KDM1B: variants seen among roughly 807,000 people sequenced by gnomAD.
KDM1B encodes the protein lysine-specific histone demethylase 2.
Under a neutral mutation model 107.4 loss-of-function variants are expected in KDM1B, and 63 were observed. The ratio of observed to expected loss-of-function variants is 0.59; its 90% CI spans 0.48 to 0.72. The LOEUF (loss-of-function observed/expected upper bound fraction) is 0.72, where lower values mean the gene tolerates loss of function less well. Among genes scored for constraint, KDM1B ranks in the 30% least tolerant of loss-of-function variants. The probability of loss-of-function intolerance (pLI) is 0.00; values close to 1 mark genes in which losing one functional copy is unlikely to be tolerated. For synonymous variants in KDM1B, 363 were observed against 363.9 expected (o/e 1.00, Z 0.03); for missense variants, 749 against 1,020.8 (o/e 0.73, Z 3.63).
rs1221924426 is a variant in KDM1B, at chr6:18,214,986, C to G, written c.2110-21C>G. 3.7e-6 allele frequency: 6 copies of G among 1,612,720 alleles called. No individual in the cohort carries two copies. Among genetic ancestry groups the G allele is most frequent in the South Asian group, 3.3e-5 (3 of 90,954 alleles). On this transcript the variant is annotated intron_variant, in intron 19 of 21. Coordinates refer to ENST00000650836, the MANE Select transcript of KDM1B (RefSeq NM_001364614.2). This position sits in a 1 kb window ranked among gnomAD's most constrained non-coding sequence, Gnocchi z 4.4. ...GAGCTGAGCACTCACAGACCTCCTGCTTTTCCTTTCATGTCTCCAGAAGAA... is the reference window on the plus strand; with the variant it reads ...GAGCTGAGCACTCACAGACCTCCTGGTTTTCCTTTCATGTCTCCAGAAGAA...
Position 18,201,709 on chromosome 6 carries a change from A to G in KDM1B, c.1531+52A>G. 1 of 1,432,722 alleles carries G rather than the reference A, an allele frequency of 7.0e-7. No homozygotes were observed. The highest frequency in any genetic ancestry group is 9.4e-7 in the Non-Finnish European group (1 of 1,061,854). The allele number at this position is 1,432,722 out of a possible 1,614,324, so 88.8% of individuals were successfully genotyped here. On this transcript the variant is annotated intron_variant, in intron 14 of 21. Coordinates refer to ENST00000650836, the MANE Select transcript of KDM1B (RefSeq NM_001364614.2). This position sits in a 1 kb window ranked among gnomAD's most constrained non-coding sequence, Gnocchi z 4.3. ...TTCCATCTCAGTTTCGTTGTTACCT[A>G]AGCTTCATCAGCAGTGGCATTGTTC...
At chr6:18,163,656 C>T (rs547997096) in intron 5 of KDM1B, among the ~76,000 whole-genome samples, 1 of 151,896 alleles carries the variant, frequency 6.6e-6, no homozygotes, top group East Asian at 1.9e-4. Flanking sequence ...TTTAAATTTC[C>T]ATTGAGTTTT....
chr6:18,216,361 G>C (rs1031808901), intron 20 of KDM1B, among the ~76,000 whole-genome samples: 1 of 152,224 alleles, frequency 6.6e-6, no homozygotes, highest in African/African-American at 2.4e-5. Context: ...GATTACAGGT[G>C]TGAGCCACTG....
intron 17 of KDM1B, among the ~76,000 whole-genome samples, chr6:18,210,296 T>G (rs1352449295): frequency 6.6e-6 from 1 of 151,264 alleles, no homozygotes; most frequent in East Asian, 1.9e-4. Context: ...ATCATTTGCC[T>G]ATTTGTTTAC....
At chr6:18,158,088 C>G (rs1490713627) in intron 2 of KDM1B, among the ~76,000 whole-genome samples, 1 of 152,086 alleles carries the variant, frequency 6.6e-6, no homozygotes, top group East Asian at 1.9e-4. Context: ...GCTGGGATTA[C>G]AGGCGTGAGC....
At chr6:18,182,713 T>C (rs1198758329) in intron 7 of KDM1B, among the ~76,000 whole-genome samples, 1 of 152,074 alleles carries the variant, frequency 6.6e-6, no homozygotes, top group Non-Finnish European at 1.5e-5. Context: ...AATTTTTTTG[T>C]AGTGACAGGG....
chr6:18,206,700 C>T (rs555441935), intron 15 of KDM1B, among the ~76,000 whole-genome samples: 1 of 152,240 alleles, frequency 6.6e-6, no homozygotes, highest in Admixed American at 6.5e-5. Flanking sequence ...GCTGGAATTA[C>T]AGGCATGAGC....
rs1787752620 is a variant in KDM1B, at chr6:18,197,922, A to G, written c.1221+261A>G. Among the ~76,000 whole-genome samples the G allele has an allele frequency of 6.9e-6, 1 of 144,688 alleles. No homozygotes were observed. The highest frequency in any genetic ancestry group is 2.2e-4 in the South Asian group (1 of 4,534). 94.9% of individuals were successfully genotyped at this position (144,688 alleles called of 152,430 possible). ...ATTCTAACTTGGCATTAAAGTAGAAATTCTTTTTTTTTTTTTTTTTTGAGA... is the reference window on the plus strand; with the variant it reads ...ATTCTAACTTGGCATTAAAGTAGAAGTTCTTTTTTTTTTTTTTTTTTGAGA... On this transcript the variant is annotated intron_variant, in intron 12 of 21. Coordinates refer to ENST00000650836, the MANE Select transcript of KDM1B (RefSeq NM_001364614.2). The surrounding 1 kb of genome is among the most constrained non-coding windows in gnomAD (Gnocchi z 4.5).
At position 18,205,442 on chromosome 6, in the gene KDM1B, G is replaced by A. The variant is rs908342993; in HGVS notation, c.1532-95G>A. 4.6e-5 allele frequency: 56 copies of A among 1,214,830 alleles called. No individual in the cohort carries two copies. Among genetic ancestry groups the A allele is most frequent in the African/African-American group, 3.7e-4 (24 of 64,034 alleles). The allele number at this position is 1,214,830 out of a possible 1,614,324, so 75.3% of individuals were successfully genotyped here. On this transcript the variant is annotated intron_variant, in intron 14 of 21. Coordinates refer to ENST00000650836, the MANE Select transcript of KDM1B (RefSeq NM_001364614.2). This position sits in a 1 kb window ranked among gnomAD's most constrained non-coding sequence, Gnocchi z 5.7. ...TGGGAAAAGACTTTGGAAGTTTTGG[G>A]TGTTGCTGGGTGACAGAGGTTGAAA...
chr6:18,167,314 G>A (rs1225857113), intron 6 of KDM1B, among the ~76,000 whole-genome samples: 2 of 150,946 alleles, frequency 1.3e-5, no homozygotes, highest in African/African-American at 4.9e-5. Flanking sequence ...CTGAGATCGT[G>A]CCACTGCACT....
chr6:18,181,713 TC>T (rs1786491236), intron 7 of KDM1B, among the ~76,000 whole-genome samples: 1 of 152,114 alleles, frequency 6.6e-6, no homozygotes, highest in South Asian at 2.1e-4. Flanking sequence ...ACCACTGCAC[TC>T]CAGCCTAAGT....
At chr6:18,167,454 A>G (rs1234470138) in intron 6 of KDM1B, among the ~76,000 whole-genome samples, 1 of 152,122 alleles carries the variant, frequency 6.6e-6, no homozygotes, top group East Asian at 1.9e-4. Flanking sequence ...GTTGAAATAT[A>G]CCACCATTTA....
At chr6:18,216,924 A>T (rs1207367026) in intron 20 of KDM1B, among the ~76,000 whole-genome samples, 1 of 152,238 alleles carries the variant, frequency 6.6e-6, no homozygotes, top group Non-Finnish European at 1.5e-5. Flanking sequence ...CCTGCGGGTC[A>T]TGGAACATAT....
chr6:18,210,886 C>G lies in KDM1B; in HGVS notation c.1867-1602C>G, dbSNP rs537994130. Reference sequence around the variant, plus strand: ...TCGTGCTGCACACCCATGGTCCCAGCTACTACAAGAAGCTGAGGCAAGAGG... The same window carrying G: ...TCGTGCTGCACACCCATGGTCCCAGGTACTACAAGAAGCTGAGGCAAGAGG... On this transcript the variant is annotated intron_variant, in intron 17 of 21. Coordinates refer to ENST00000650836, the MANE Select transcript of KDM1B (RefSeq NM_001364614.2). Among the ~76,000 whole-genome samples the G allele has an allele frequency of 2.3e-4, 35 of 152,162 alleles. No individual in the cohort carries two copies. In the East Asian group the frequency reaches 4.5e-3, roughly 19 times the overall value.
chr6:18,191,130 G>T lies in KDM1B; in HGVS notation c.785-67G>T, dbSNP rs1409933235. Reference sequence around the variant, plus strand: ...TAGGCTTACTTTTTGGTTTGCTTTTGCCCTTTAATTCTTCTGGATTTGGAA... The same window carrying T: ...TAGGCTTACTTTTTGGTTTGCTTTTTCCCTTTAATTCTTCTGGATTTGGAA... On this transcript the variant is annotated intron_variant, in intron 9 of 21. Coordinates refer to ENST00000650836, the MANE Select transcript of KDM1B (RefSeq NM_001364614.2). The surrounding 1 kb of genome is among the most constrained non-coding windows in gnomAD (Gnocchi z 5.1). The T allele has an allele frequency of 6.9e-7, 1 of 1,439,696 alleles. No individual in the cohort carries two copies. The allele number at this position is 1,439,696 out of a possible 1,614,324, so 89.2% of individuals were successfully genotyped here. A position where few individuals can be genotyped will look rare whatever the true frequency, so the allele number is the denominator to read the frequency against.
In KDM1B at chr6:18,197,771, A is replaced by G. The variant is rs1561938722; in HGVS notation, c.1221+110A>G. 2 of 675,844 alleles carry G rather than the reference A, an allele frequency of 3.0e-6. No homozygotes were observed. Among genetic ancestry groups the G allele is most frequent in the Middle Eastern group, 2.5e-4 (1 of 4,072 alleles). 41.9% of individuals were successfully genotyped at this position (675,844 alleles called of 1,614,324 possible). On this transcript the variant is annotated intron_variant, in intron 12 of 21. Coordinates refer to ENST00000650836, the MANE Select transcript of KDM1B (RefSeq NM_001364614.2). The surrounding 1 kb of genome is among the most constrained non-coding windows in gnomAD (Gnocchi z 4.5). The stretch of plus-strand genomic sequence containing the variant: ...ATTTTTAGTGAAGAATACTAAATAC[A>G]TTATATGTTTATATTAGGTCCTAGA...
In KDM1B at chr6:18,199,008, GAAAAAAAAAA is replaced by G. The variant is rs70974711; in HGVS notation, c.1221+1363_1221+1372del. On this transcript the variant is annotated intron_variant, in intron 12 of 21. Transcript: ENST00000650836. ...ACATGGCAAAACCCTGTCTCTACCA[GAAAAAAAAAA>G]AAAAAAAAAAAAAAAGAAAAAAACA... Among the ~76,000 whole-genome samples, 16 of 74,698 alleles carry G rather than the reference GAAAAAAAAAA, an allele frequency of 2.1e-4. No homozygotes were observed. The South Asian group carries it at 5.7e-3, about 27-fold the overall frequency. 49.0% of individuals were successfully genotyped at this position (74,698 alleles called of 152,430 possible).
At chr6:18,217,409 G>T (rs376158051) in intron 20 of KDM1B, among the ~76,000 whole-genome samples, 9 of 145,456 alleles carry the variant, frequency 6.2e-5, no homozygotes, top group Admixed American at 1.4e-4. Flanking sequence ...GATGGAGTCT[G>T]GCTCTGTTGC....
chr6:18,202,653 A>C (rs971966636), intron 14 of KDM1B, among the ~76,000 whole-genome samples: 6 of 152,178 alleles, frequency 3.9e-5, no homozygotes, highest in Non-Finnish European at 7.4e-5. Context: ...CTCAGTTTGC[A>C]AGGTGTTAAT....
Sources: gnomAD v4.1 joint callset for allele counts (sites outside exome capture counted in the v4.1 genomes callset) on GRCh38, gnomAD v4.1.1 for gene constraint, Gnocchi (gnomAD v3.1) non-coding constraint, MANE v1.5 for transcripts, NCBI Gene and HGNC (gene_info 2026-07-23, HGNC 2026-07-21) for gene names.